The following SUGCT variants were observed in gnomAD, a reference collection of about 807,000 sequenced individuals.
The protein encoded by SUGCT is succinyl-CoA:glutarate CoA-transferase.
SUGCT carries 41 observed loss-of-function variants against 55.0 expected under a neutral mutation model. The observed-to-expected ratio is 0.74, with a 90% CI of 0.58 to 0.97. The LOEUF is 0.97. Ranked by LOEUF, SUGCT falls within the 50% of genes least tolerant of loss-of-function variation. SUGCT has a pLI of 0.00. For synonymous variants in SUGCT, 187 were observed against 200.4 expected (o/e 0.93, Z 0.56); for missense variants, 568 against 547.8 (o/e 1.04, Z -0.37).
At chr7:40,589,736 A>G (rs1797610341) in intron 12 of SUGCT, among the ~76,000 whole-genome samples, 1 of 152,236 alleles carries the variant, frequency 6.6e-6, no homozygotes, top group South Asian at 2.1e-4. Context: ...TAATGTTAAT[A>G]TCTCCATAAA....
At chr7:40,223,764 T>C (rs900970279) in intron 6 of SUGCT, among the ~76,000 whole-genome samples, 2 of 152,168 alleles carry the variant, frequency 1.3e-5, no homozygotes, top group South Asian at 2.1e-4. Flanking sequence ...TGTTCTTTCA[T>C]TTATCTCTAT....
chr7:41,026,243 A>C, the SUGCT span, among the ~76,000 whole-genome samples: 1 of 152,192 alleles, frequency 6.6e-6, no homozygotes, highest in Admixed American at 6.5e-5. Context: ...ACTCCTGGCA[A>C]CCACCGAATG....
intron 12 of SUGCT, among the ~76,000 whole-genome samples, chr7:40,634,405 C>T (rs910260756): frequency 4.6e-5 from 7 of 152,156 alleles, no homozygotes; most frequent in Non-Finnish European, 8.8e-5. Flanking sequence ...AGAGAGGAAT[C>T]AGCTACCTGC....
intron 10 of SUGCT, among the ~76,000 whole-genome samples, chr7:40,457,796 C>T (rs759318578): frequency 1.3e-5 from 2 of 152,162 alleles, no homozygotes; most frequent in Admixed American, 6.5e-5. Context: ...GCTGATGGTG[C>T]TTTTTGGGTG....
At chr7:40,790,250 GAATGTTTT>G (rs552056220) in intron 13 of SUGCT, among the ~76,000 whole-genome samples, 27 of 152,116 alleles carry the variant, frequency 1.8e-4, no homozygotes, top group Non-Finnish European at 3.4e-4. Context: ...CACCAGATCT[GAATGTTTT>G]ATAAGGGGCT....
Position 40,549,113 on chromosome 7 carries a change from C to T in SUGCT, c.1089+52727C>T, listed in dbSNP as rs150388159. Among the ~76,000 whole-genome samples the T allele has an allele frequency of 5.8e-3, 887 of 152,238 alleles. 29 individuals carry two copies. The highest frequency in any genetic ancestry group is 0.054 in the Admixed American group (823 of 15,280). On this transcript the variant is annotated intron_variant, in intron 12 of 13. Transcript: ENST00000335693. The stretch of plus-strand genomic sequence containing the variant: ...ACACTTGTGAATGTATGGATTACAA[C>T]CTTCTTGTTCTCCTATTTCCCACCC...
At chr7:40,386,276 T>C (rs1785124788) in intron 9 of SUGCT, among the ~76,000 whole-genome samples, 1 of 152,120 alleles carries the variant, frequency 6.6e-6, no homozygotes, top group African/African-American at 2.4e-5. Context: ...CAATAAACCT[T>C]GTTATGCAAG....
chr7:40,827,355 G>A (rs1792367002), intron 13 of SUGCT, among the ~76,000 whole-genome samples: 1 of 152,132 alleles, frequency 6.6e-6, no homozygotes, highest in African/African-American at 2.4e-5. Flanking sequence ...GCTGCTTTAA[G>A]AGCAGAGTCT....
At chr7:40,454,498 A>T (rs929528765) in intron 10 of SUGCT, among the ~76,000 whole-genome samples, 2 of 152,184 alleles carry the variant, frequency 1.3e-5, no homozygotes, top group Admixed American at 1.3e-4. Context: ...GCTATATGGG[A>T]TAGCCTATTC....
At chr7:40,907,127 G>T in the SUGCT span, among the ~76,000 whole-genome samples, 14 of 74,736 alleles carry the variant, frequency 1.9e-4, no homozygotes, top group South Asian at 3.9e-4. Flanking sequence ...GTGTGTGTGT[G>T]TGTGTGTGTG....
chr7:40,508,240 G>A (rs189109288), intron 12 of SUGCT, among the ~76,000 whole-genome samples: 107 of 152,254 alleles, frequency 7.0e-4, no homozygotes, highest in African/African-American at 1.9e-3. Context: ...GCAGTGGATC[G>A]TTTTACCTAC....
chr7:40,197,654 C>T (rs1458131078), intron 6 of SUGCT, among the ~76,000 whole-genome samples: 1 of 152,158 alleles, frequency 6.6e-6, no homozygotes, highest in Non-Finnish European at 1.5e-5. Flanking sequence ...CCTGTGCTCC[C>T]AATGCATCTG....
intron 12 of SUGCT, chr7:40,499,048 C>G (rs539253650): frequency 3.7e-5 from 17 of 456,616 alleles, no homozygotes; most frequent in Admixed American, 2.1e-4. Context: ...TGATGAGCTG[C>G]AGAGTTTCTT....
intron 9 of SUGCT, among the ~76,000 whole-genome samples, chr7:40,401,198 A>G (rs1786045653): frequency 6.6e-6 from 1 of 152,124 alleles, no homozygotes; most frequent in Admixed American, 6.5e-5. Context: ...CTTAAGAAGG[A>G]ATATTTACTG....
At chr7:40,248,082 G>T (rs1790035375) in intron 7 of SUGCT, among the ~76,000 whole-genome samples, 1 of 150,586 alleles carries the variant, frequency 6.6e-6, no homozygotes, top group South Asian at 2.1e-4. Flanking sequence ...CGTGATCTCG[G>T]CTCACTGTAA....
intron 13 of SUGCT, among the ~76,000 whole-genome samples, chr7:40,773,217 C>T (rs906910834): frequency 2.6e-5 from 4 of 150,964 alleles, no homozygotes; most frequent in Admixed American, 2.0e-4. Flanking sequence ...CAACTTCCAC[C>T]TCCTGGGTTC....
intron 12 of SUGCT, among the ~76,000 whole-genome samples, chr7:40,577,615 T>G (rs1437862048): frequency 6.6e-6 from 1 of 152,208 alleles, no homozygotes; most frequent in Non-Finnish European, 1.5e-5. Flanking sequence ...TAGTTCTCAT[T>G]AGCTTTAGCT....
chr7:40,177,512 T>G (rs933304992), intron 1 of SUGCT, among the ~76,000 whole-genome samples: 1 of 152,160 alleles, frequency 6.6e-6, no homozygotes. Flanking sequence ...TTTAAAAAAT[T>G]TTTTGAAATA....
the SUGCT span, among the ~76,000 whole-genome samples, chr7:41,013,739 T>TTTTA: frequency 6.6e-6 from 1 of 151,242 alleles, no homozygotes; most frequent in African/African-American, 2.5e-5. Context: ...TTTTAGTTGC[T>TTTTA]TTTCTTTCTT....
Sources: allele counts gnomAD v4.1 joint callset (sites outside exome capture counted in the v4.1 genomes callset), GRCh38; gene constraint gnomAD v4.1.1; transcripts MANE v1.5; gene names NCBI Gene and HGNC (gene_info 2026-07-23, HGNC 2026-07-21).